The following ABCA12 variants were observed in gnomAD, a reference collection of about 807,000 sequenced individuals.
ABCA12 encodes the protein glucosylceramide transporter ABCA12.
A neutral mutation model predicts 293.5 loss-of-function variants in ABCA12; 156 were observed. The observed-to-expected ratio is 0.53, with a 90% CI of 0.47 to 0.61. The LOEUF is 0.61. Ranked by LOEUF, ABCA12 falls within the 20% of genes least tolerant of loss-of-function variation. The probability of loss-of-function intolerance (pLI) is 0.00; values close to 1 mark genes in which losing one functional copy is unlikely to be tolerated. For synonymous variants in ABCA12, 1,063 were observed against 1,108.0 expected, an observed-to-expected ratio of 0.96 and a Z score of 0.81; for missense variants, 2,797 against 3,090.2, an observed-to-expected ratio of 0.91 and a Z score of 2.25.
intron 23 of ABCA12, among the ~76,000 whole-genome samples, chr2:214,995,470 C>G (rs1316870815): frequency 6.6e-6 from 1 of 152,162 alleles, no homozygotes; most frequent in Non-Finnish European, 1.5e-5. Context: ...GTAAAGGTAG[C>G]TATGATCTGG....
intron 30 of ABCA12, among the ~76,000 whole-genome samples, chr2:214,980,988 G>A (rs1405597241): frequency 6.6e-6 from 1 of 151,852 alleles, no homozygotes; most frequent in African/African-American, 2.4e-5. Flanking sequence ...GGGAGGCTGA[G>A]GCAGGAGACT....
intron 2 of ABCA12, among the ~76,000 whole-genome samples, chr2:215,078,467 C>T (rs77538926): frequency 0.031 from 4,751 of 152,258 alleles, 165 homozygotes; most frequent in African/African-American, 0.081. Context: ...TTTCACATTT[C>T]GGGTAATGTT....
rs4673943 is a variant in ABCA12 at position 215,135,560 on chromosome 2, T to C, written c.69+2580A>G. Among the ~76,000 whole-genome samples, 300 of 152,374 alleles carry C rather than the reference T, an allele frequency of 2.0e-3. 6 individuals are homozygous for C. Among genetic ancestry groups the C allele is most frequent in the East Asian group, 0.016 (83 of 5,192 alleles). ...TTCTGTTTTGCTGTGAGTAAAAGTA[T>C]ACTTTGAAAGTACAATTTTTAGAAT... is the stretch of plus-strand genomic sequence containing the variant. On this transcript the variant is annotated intron_variant, in intron 1 of 52. Transcript: ENST00000272895.
rs1699354900 is a variant in ABCA12 at position 214,970,187 on chromosome 2, A to G, written c.5690+86T>C. The G allele has an allele frequency of 2.2e-6, 3 of 1,351,526 alleles. No individual in the cohort carries two copies. In the Admixed American group the frequency reaches 7.0e-5, roughly 32 times the overall value. 83.7% of individuals were successfully genotyped at this position (1,351,526 alleles called of 1,614,324 possible). A position where few individuals can be genotyped will look rare whatever the true frequency, so the allele number is the denominator to read the frequency against. On this transcript the variant is annotated intron_variant, in intron 37 of 52. Coordinates refer to ENST00000272895, the MANE Select transcript of ABCA12 (RefSeq NM_173076.3). ...TTTAACCATGTAAAATGTAAACAAT[A>G]GAAATTTGTATCTATTGTCTCTTTA...
At chr2:214,937,134 A>G (rs547373415) in intron 51 of ABCA12, among the ~76,000 whole-genome samples, 6 of 152,328 alleles carry the variant, frequency 3.9e-5, no homozygotes, top group South Asian at 4.1e-4. Flanking sequence ...TGACATTACC[A>G]TCAAAACTAG....
chr2:215,131,891 C>A lies in ABCA12; in HGVS notation c.69+6249G>T, dbSNP rs1575064178. ...AGCATTTAATGCTATAAACTTTTCT[C>A]TTAGCACTGCCTTTGCTATATCCTA... On this transcript the variant is annotated intron_variant, in intron 1 of 52. Transcript: ENST00000272895. Among the ~76,000 whole-genome samples, 3 of 152,024 alleles carry A rather than the reference C, an allele frequency of 2.0e-5. No homozygotes were observed. The South Asian group carries it at 6.2e-4, about 31-fold the overall frequency.
Position 215,064,112 on chromosome 2 carries a change from C to T in ABCA12, c.271G>A (p.Asp91Asn), listed in dbSNP as rs1478354176. 6.2e-7 allele frequency: 1 copy of T among 1,612,928 alleles called. No individual in the cohort carries two copies. The highest frequency in any genetic ancestry group is 8.5e-7 in the Non-Finnish European group (1 of 1,179,256). ...TCAATTCCTTTCCTACGAAGCAGAT[C>T]TTGTGGGCCATAGGGTGTGTCTTTG... ...KCKDTPYGPQ[D>N]LLRRKGIDDA... is the part of the protein sequence containing the mutation. The change falls in exon 3 of 53, where the codon GAT (aspartate) becomes AAT (asparagine). Residue 91 changes from aspartate (D) to asparagine (N), a missense_variant. By Grantham distance (23) the Asp-to-Asn change is conservative. Coordinates refer to ENST00000272895, the MANE Select transcript of ABCA12 (RefSeq NM_173076.3).
At chr2:214,968,918 T>A in intron 37 of ABCA12, 111 bp from the exon 38 acceptor site, 1 of 851,546 alleles carries the variant, frequency 1.2e-6, no homozygotes, top group Non-Finnish European at 2.0e-6. Flanking sequence ...GGAACACATT[T>A]ACAGTATAAA....
At chr2:214,983,919 T>C in intron 28 of ABCA12, 54 bp from the exon 29 acceptor site, 1 of 1,514,046 alleles carries the variant, frequency 6.6e-7, no homozygotes, top group Non-Finnish European at 9.1e-7. Flanking sequence ...AAGCTAGATA[T>C]TAGGAATAAC....
chr2:215,031,768 G>A, intron 9 of ABCA12, 53 bp downstream of exon 9: 3 of 1,605,444 alleles, frequency 1.9e-6, no homozygotes. Flanking sequence ...AAATTGTTTT[G>A]ATTGTTTATT....
intron 3 of ABCA12, among the ~76,000 whole-genome samples, chr2:215,063,012 G>A (rs2372477): frequency 0.37 from 56,572 of 151,702 alleles, 11,296 homozygotes; most frequent in South Asian, 0.58. Context: ...CTATTAATCT[G>A]TTTTTTAAAT....
chr2:215,035,107 G>A (rs1229170027), intron 8 of ABCA12, among the ~76,000 whole-genome samples: 1 of 152,152 alleles, frequency 6.6e-6, no homozygotes, highest in Non-Finnish European at 1.5e-5. Context: ...TGCCTTCAAT[G>A]ACAAGTTTAA....
chr2:215,110,538 TAAGGTACTATTTA>T (rs1702552024), intron 2 of ABCA12, among the ~76,000 whole-genome samples: 1 of 151,820 alleles, frequency 6.6e-6, no homozygotes, highest in Non-Finnish European at 1.5e-5. Context: ...AAAAAAGAAA[TAAGGTACTATTTA>T]AATGTAAGGA....
chr2:215,050,250 G>T (rs1701294204), intron 5 of ABCA12, among the ~76,000 whole-genome samples: 2 of 152,120 alleles, frequency 1.3e-5, no homozygotes, highest in Non-Finnish European at 2.9e-5. Flanking sequence ...GAGCTTCGAG[G>T]TCTATTCCTA....
At chr2:215,062,276 T>C (rs1049807830) in intron 3 of ABCA12, among the ~76,000 whole-genome samples, 1 of 152,036 alleles carries the variant, frequency 6.6e-6, no homozygotes, top group Non-Finnish European at 1.5e-5. Flanking sequence ...ACCATCAACA[T>C]TGGAACAAGA....
At chr2:215,025,585 A>T in intron 11 of ABCA12, 88 bp downstream of exon 11, 1 of 844,186 alleles carries the variant, frequency 1.2e-6, no homozygotes. Context: ...GCCAAATATT[A>T]TGAGAAGTGT....
At chr2:215,007,954 A>G in intron 18 of ABCA12, 108 bp from the exon 19 acceptor site, 1 of 1,413,576 alleles carries the variant, frequency 7.1e-7, no homozygotes, top group African/African-American at 1.4e-5. Flanking sequence ...ACAGTTCTAA[A>G]ACATGAAGTT....
intron 2 of ABCA12, among the ~76,000 whole-genome samples, chr2:215,094,290 A>C (rs1189605665): frequency 6.6e-6 from 1 of 152,230 alleles, no homozygotes; most frequent in Non-Finnish European, 1.5e-5. Context: ...ACTTCACTGC[A>C]AAGGCCATCA....
intron 50 of ABCA12, among the ~76,000 whole-genome samples, chr2:214,938,278 C>T (rs959398059): frequency 6.6e-6 from 1 of 152,140 alleles, no homozygotes; most frequent in African/African-American, 2.4e-5. Context: ...CTGCAAAGGA[C>T]GTGAACTCAT....
Sources: allele counts gnomAD v4.1 joint callset (sites outside exome capture counted in the v4.1 genomes callset), GRCh38; gene constraint gnomAD v4.1.1; transcripts MANE v1.5; gene names NCBI Gene and HGNC (gene_info 2026-07-23, HGNC 2026-07-21).